The following RXRA variants were observed in gnomAD, a reference collection of about 807,000 sequenced individuals.
The protein encoded by RXRA is retinoid X receptor alpha.
In RXRA, 5 loss-of-function variants were observed where a neutral mutation model predicts 44.5. That is an observed-to-expected ratio of 0.11 (90% confidence interval 0.06 to 0.24). The LOEUF (loss-of-function observed/expected upper bound fraction) is 0.24, where lower values mean the gene tolerates loss of function less well. RXRA is among the 10% of genes least tolerant of loss of function. RXRA has a pLI of 1.00. For synonymous variants in RXRA, 291 were observed against 271.4 expected (o/e 1.07, Z -0.71); for missense variants, 412 against 646.5 (o/e 0.64, Z 3.93).
intron 1 of RXRA, among the ~76,000 whole-genome samples, chr9:134,396,289 C>G (rs1237388260): frequency 6.6e-6 from 1 of 152,154 alleles, no homozygotes. Context: ...GGCTTGTGGC[C>G]ACTTCCTTCC....
At chr9:134,371,453 G>A (rs1165713645) in intron 1 of RXRA, among the ~76,000 whole-genome samples, 2 of 152,356 alleles carry the variant, frequency 1.3e-5, no homozygotes, top group East Asian at 1.9e-4. Context: ...TGTGTCCAGC[G>A]AGAGCCAGCT....
intron 1 of RXRA, among the ~76,000 whole-genome samples, chr9:134,327,245 GC>G (rs1471043078): frequency 6.6e-6 from 1 of 152,124 alleles, no homozygotes; most frequent in Non-Finnish European, 1.5e-5. Flanking sequence ...ACCTGGGAAG[GC>G]CCCATTCCAG....
chr9:134,417,350 G>A lies in RXRA; in HGVS notation c.780+23G>A, dbSNP rs769155619. 1.9e-6 allele frequency: 3 copies of A among 1,608,018 alleles called. No homozygotes were observed. The highest frequency in any genetic ancestry group is 1.1e-5 in the South Asian group (1 of 90,942). ...TCGGTGAGTTGCAGCCTGTGCAGGG[G>A]TGGGCAGCCTCACATGCCTCAGTTT... On this transcript the variant is annotated intron_variant, in intron 5 of 9. Transcript: ENST00000481739. The surrounding 1 kb of genome is among the most constrained non-coding windows in gnomAD (Gnocchi z 6.1).
In RXRA at chr9:134,417,140, G is replaced by A. The variant is rs757476054; in HGVS notation, c.611-18G>A. Reference sequence around the variant, plus strand: ...GCCGGGCTGAGCGTGGGGCTCACCTGCGCCTCCCGGGTTGTAGCCGTGCAG... The same window carrying A: ...GCCGGGCTGAGCGTGGGGCTCACCTACGCCTCCCGGGTTGTAGCCGTGCAG... On this transcript the variant is annotated intron_variant, in intron 4 of 9. Transcript: ENST00000481739. The surrounding 1 kb of genome is among the most constrained non-coding windows in gnomAD (Gnocchi z 6.1). 1.2e-6 allele frequency: 2 copies of A among 1,604,438 alleles called. No homozygotes were observed. The highest frequency in any genetic ancestry group is 2.7e-5 in the African/African-American group (2 of 74,874).
At chr9:134,363,162 G>A (rs1022150940) in intron 1 of RXRA, among the ~76,000 whole-genome samples, 7 of 152,192 alleles carry the variant, frequency 4.6e-5, no homozygotes, top group African/African-American at 1.4e-4. Context: ...TGTGCCTGTT[G>A]GATGCCACGT....
intron 1 of RXRA, among the ~76,000 whole-genome samples, chr9:134,352,127 A>C (rs1554749562): frequency 6.6e-6 from 1 of 152,096 alleles, no homozygotes; most frequent in African/African-American, 2.4e-5. Flanking sequence ...GGGGTGCAGC[A>C]AGGGGAGGGT....
intron 1 of RXRA, chr9:134,379,281 C>G (rs1830603852): frequency 1.0e-6 from 1 of 986,378 alleles, no homozygotes; most frequent in South Asian, 4.7e-5. Context: ...TCAGCAACAG[C>G]TGTTGCCGAG....
chr9:134,392,433 G>C lies in RXRA; in HGVS notation c.29-9199G>C, dbSNP rs567762840. Among the ~76,000 whole-genome samples the C allele has an allele frequency of 9.0e-4, 137 of 152,348 alleles. 1 individual carries two copies. Among genetic ancestry groups the C allele is most frequent in the Middle Eastern group, 6.8e-3 (2 of 294 alleles). On this transcript the variant is annotated intron_variant, in intron 1 of 9. Coordinates refer to ENST00000481739, the MANE Select transcript of RXRA (RefSeq NM_002957.6). ...GGGGCCCCTTGGCATCTTTCTAGGT[G>C]GGTGGCCCTGAGCCCACCTCCTCCC...
rs1554748357 is a variant in RXRA at position 134,343,702 on chromosome 9, C to T, written c.28+17043C>T. 6.6e-6 allele frequency among the ~76,000 whole-genome samples: 1 copy of T among 152,132 alleles called. No homozygotes were observed. Among genetic ancestry groups the T allele is most frequent in the East Asian group, 1.9e-4 (1 of 5,166 alleles). On this transcript the variant is annotated intron_variant, in intron 1 of 9. Transcript: ENST00000481739. The surrounding 1 kb of genome is among the most constrained non-coding windows in gnomAD (Gnocchi z 4.1). ...AGACCGTGTGCACTTGGTGGACTGC[C>T]ACGGGCCTGGGGGCCTCGGGACCAA...
At chr9:134,378,621 C>T (rs1374242427) in intron 1 of RXRA, among the ~76,000 whole-genome samples, 1 of 152,342 alleles carries the variant, frequency 6.6e-6, no homozygotes, top group East Asian at 1.9e-4. Context: ...CCTCCCTGCC[C>T]CTGCCAGCCT....
At position 134,433,672 on chromosome 9, in the gene RXRA, G is replaced by T. The variant is rs1588311467; in HGVS notation, c.1136-430G>T. On this transcript the variant is annotated intron_variant, in intron 8 of 9. Coordinates refer to ENST00000481739, the MANE Select transcript of RXRA (RefSeq NM_002957.6). This position sits in a 1 kb window ranked among gnomAD's most constrained non-coding sequence, Gnocchi z 4.2. Reference sequence around the variant, plus strand: ...CGAGGATGGGTTTCCGCAGGGTCTGGGTACTCCTGGGGGCAGCAGCGCTAT... The same window carrying T: ...CGAGGATGGGTTTCCGCAGGGTCTGTGTACTCCTGGGGGCAGCAGCGCTAT... Among the ~76,000 whole-genome samples the T allele has an allele frequency of 6.6e-6, 1 of 152,156 alleles. No homozygotes were observed. The highest frequency in any genetic ancestry group is 2.4e-5 in the African/African-American group (1 of 41,416).
rs888180705 is a variant in RXRA, at chr9:134,380,287, C to T, written c.29-21345C>T. On this transcript the variant is annotated intron_variant, in intron 1 of 9. Transcript: ENST00000481739. ...GGCACTGTGAGCTGGCGTGCTGAGG[C>T]TGGCCTGCCCGTGGCTTGGCCTGGG... 5.1e-5 allele frequency: 39 copies of T among 759,910 alleles called. No individual in the cohort carries two copies. The African/African-American group carries it at 7.2e-4, about 14-fold the overall frequency. The allele number at this position is 759,910 out of a possible 1,614,324, so 47.1% of individuals were successfully genotyped here. A position where few individuals can be genotyped will look rare whatever the true frequency, so the allele number is the denominator to read the frequency against.
rs1830095536 is a variant in RXRA, at chr9:134,342,330, A to T, written c.28+15671A>T. Among the ~76,000 whole-genome samples, 1 of 151,770 alleles carries T rather than the reference A, an allele frequency of 6.6e-6. No homozygotes were observed. The highest frequency in any genetic ancestry group is 6.6e-5 in the Admixed American group (1 of 15,260). On this transcript the variant is annotated intron_variant, in intron 1 of 9. Coordinates refer to ENST00000481739, the MANE Select transcript of RXRA (RefSeq NM_002957.6). This position sits in a 1 kb window ranked among gnomAD's most constrained non-coding sequence, Gnocchi z 4.4. ...CATTGCCCTCCCAGAACCCTGGGGGAGGGAGTTGCCCTCATTTACAGAGGG... is the reference window on the plus strand; with the variant it reads ...CATTGCCCTCCCAGAACCCTGGGGGTGGGAGTTGCCCTCATTTACAGAGGG...
intron 1 of RXRA, among the ~76,000 whole-genome samples, chr9:134,397,497 G>A (rs946837775): frequency 6.6e-6 from 1 of 151,752 alleles, no homozygotes; most frequent in African/African-American, 2.4e-5. Flanking sequence ...TGCCAAGGGA[G>A]TGATCACTCC....
chr9:134,412,614 G>C (rs1177799399), intron 4 of RXRA, among the ~76,000 whole-genome samples: 1 of 152,188 alleles, frequency 6.6e-6, no homozygotes, highest in Non-Finnish European at 1.5e-5. Context: ...CAGCATTCCC[G>C]GGACCAGGGG....
rs1034098975 is a variant in RXRA, at chr9:134,426,208, A to G, written c.911-2900A>G. ...AGACCTGGTATCCTCTGCATCACTG[A>G]GGTCCTCCTTCTGAAAGGCCAGCGC... is the stretch of plus-strand genomic sequence containing the variant. On this transcript the variant is annotated intron_variant, in intron 6 of 9. Coordinates refer to ENST00000481739, the MANE Select transcript of RXRA (RefSeq NM_002957.6). This position sits in a 1 kb window ranked among gnomAD's most constrained non-coding sequence, Gnocchi z 4.6. 4.1e-6 allele frequency: 4 copies of G among 985,260 alleles called. No individual in the cohort carries two copies. Among genetic ancestry groups the G allele is most frequent in the African/African-American group, 1.7e-5 (1 of 57,210 alleles). 61.0% of individuals were successfully genotyped at this position (985,260 alleles called of 1,614,324 possible).
intron 1 of RXRA, among the ~76,000 whole-genome samples, chr9:134,381,866 G>A (rs1830651593): frequency 6.6e-6 from 1 of 152,154 alleles, no homozygotes; most frequent in Non-Finnish European, 1.5e-5. Context: ...GGTGCCTTTG[G>A]TGTGTGGGGC....
In RXRA at chr9:134,434,011, C is replaced by T. The variant is rs1031813507; in HGVS notation, c.1136-91C>T. 5 of 913,738 alleles carry T rather than the reference C, an allele frequency of 5.5e-6. No homozygotes were observed. The South Asian group carries it at 7.4e-5, about 13-fold the overall frequency. The allele number at this position is 913,738 out of a possible 1,614,324, so 56.6% of individuals were successfully genotyped here. A position where few individuals can be genotyped will look rare whatever the true frequency, so the allele number is the denominator to read the frequency against. Reference sequence around the variant, plus strand: ...CCTGCTCTGCCCATGGTGGGGCAGCCTGGGAGACCCCACACAAGCCTGGGT... The same window carrying T: ...CCTGCTCTGCCCATGGTGGGGCAGCTTGGGAGACCCCACACAAGCCTGGGT... On this transcript the variant is annotated intron_variant, in intron 8 of 9. Coordinates refer to ENST00000481739, the MANE Select transcript of RXRA (RefSeq NM_002957.6).
Position 134,360,655 on chromosome 9 carries a change from A to T in RXRA, c.28+33996A>T, listed in dbSNP as rs77479942. ...CTTTGGCTGCTCAGCCTGGCGTTGCATGGGGGACATGGTGGCCACAGGGCC... is the reference window on the plus strand; with the variant it reads ...CTTTGGCTGCTCAGCCTGGCGTTGCTTGGGGGACATGGTGGCCACAGGGCC... On this transcript the variant is annotated intron_variant, in intron 1 of 9. Coordinates refer to ENST00000481739, the MANE Select transcript of RXRA (RefSeq NM_002957.6). Among the ~76,000 whole-genome samples, 1,200 of 152,316 alleles carry T rather than the reference A, an allele frequency of 7.9e-3. 5 individuals are homozygous for T. The highest frequency in any genetic ancestry group is 0.012 in the Non-Finnish European group (816 of 68,014).
Sources: allele counts gnomAD v4.1 joint callset (sites outside exome capture counted in the v4.1 genomes callset), GRCh38; gene constraint gnomAD v4.1.1; non-coding constraint Gnocchi (gnomAD v3.1); transcripts MANE v1.5; gene names NCBI Gene and HGNC (gene_info 2026-07-23, HGNC 2026-07-21).